The following NLGN4X variants were observed in gnomAD, a reference collection of about 807,000 sequenced individuals.
The protein encoded by NLGN4X is neuroligin 4 X-linked.
Under a neutral mutation model 40.3 loss-of-function variants are expected in NLGN4X, and 3 were observed. That is an observed-to-expected ratio of 0.07 (90% CI 0.03 to 0.19). NLGN4X has a LOEUF of 0.19. Ranked by LOEUF, NLGN4X falls within the 10% of genes least tolerant of loss-of-function variation. The probability of loss-of-function intolerance (pLI) is 1.00; values close to 1 mark genes in which losing one functional copy is unlikely to be tolerated. For synonymous variants in NLGN4X, 270 were observed against 306.8 expected, an observed-to-expected ratio of 0.88 and a Z score of 1.25; for missense variants, 382 against 708.3, an observed-to-expected ratio of 0.54 and a Z score of 5.23.
intron 1 of NLGN4X, among the ~76,000 whole-genome samples, chrX:6,208,631 C>T (rs1924262641): frequency 8.9e-6 from 1 of 111,906 alleles, no homozygotes; most frequent in Admixed American, 9.5e-5. Context: ...ATAAGTACAC[C>T]TCATTTCATA....
At chrX:5,985,534 C>T (rs2035508590) in intron 3 of NLGN4X, among the ~76,000 whole-genome samples, 1 of 111,402 alleles carries the variant, frequency 9.0e-6, no homozygotes, top group African/African-American at 3.3e-5. Flanking sequence ...AGTGATCCTC[C>T]TGCCTTGGTC....
intron 3 of NLGN4X, among the ~76,000 whole-genome samples, chrX:6,005,337 G>A (rs1392531259): frequency 4.5e-5 from 5 of 111,485 alleles, no homozygotes; most frequent in African/African-American, 1.3e-4. Flanking sequence ...GTCAACCAAT[G>A]GTTGAAACCA....
At chrX:5,977,870 C>T (rs1476613189) in intron 3 of NLGN4X, among the ~76,000 whole-genome samples, 1 of 112,015 alleles carries the variant, frequency 8.9e-6, no homozygotes, top group Non-Finnish European at 1.9e-5. Flanking sequence ...CAAGGAGGTC[C>T]TCCAGCAGAT....
At chrX:5,908,531 A>C (rs1445249803) in intron 4 of NLGN4X, among the ~76,000 whole-genome samples, 3 of 111,856 alleles carry the variant, frequency 2.7e-5, no homozygotes, top group Admixed American at 9.5e-5. Context: ...GCAAAAAAAA[A>C]CAAAAGTGTC....
chrX:6,184,285 T>C (rs192607432), intron 1 of NLGN4X, among the ~76,000 whole-genome samples: 23 of 112,089 alleles, frequency 2.1e-4, no homozygotes, highest in Non-Finnish European at 5.6e-5. Flanking sequence ...CCTGATGCCA[T>C]TTGCTTATTA....
intron 2 of NLGN4X, among the ~76,000 whole-genome samples, chrX:6,118,817 C>G (rs2039357499): frequency 9.0e-6 from 1 of 111,398 alleles, no homozygotes; most frequent in Admixed American, 9.6e-5. Context: ...CAGCACCTCT[C>G]TATTCTTATA....
rs1179160944 is a variant in NLGN4X, at chrX:6,025,892, G to A, written c.625+3388C>T. ...GCCCTCCAGCCTGGGCAATAAAAGC[G>A]AGACTCCATCTCAAAAAAAAAAAAA... On this transcript the variant is annotated intron_variant, in intron 3 of 5. Coordinates refer to ENST00000381095, the MANE Select transcript of NLGN4X (RefSeq NM_181332.3). 7.7e-5 allele frequency among the ~76,000 whole-genome samples: 7 copies of A among 91,280 alleles called. No homozygotes were observed. In the South Asian group the frequency reaches 3.1e-3, roughly 40 times the overall value. 79.3% of individuals were successfully genotyped at this position (91,280 alleles called of 115,157 possible). A position where few individuals can be genotyped will look rare whatever the true frequency, so the allele number is the denominator to read the frequency against.
intron 2 of NLGN4X, among the ~76,000 whole-genome samples, chrX:6,051,986 A>T (rs939599049): frequency 1.8e-5 from 2 of 111,107 alleles, no homozygotes; most frequent in Non-Finnish European, 3.8e-5. Context: ...CTGGACTTGA[A>T]GATACGTGTC....
At chrX:6,062,912 A>T (rs1204492743) in intron 2 of NLGN4X, among the ~76,000 whole-genome samples, 1 of 110,934 alleles carries the variant, frequency 9.0e-6, no homozygotes, top group African/African-American at 3.3e-5. Context: ...GCAGCTTGAG[A>T]ACAGACTAAT....
chrX:5,973,903 T>C (rs886334918), intron 3 of NLGN4X, among the ~76,000 whole-genome samples: 1 of 112,448 alleles, frequency 8.9e-6, no homozygotes, highest in African/African-American at 3.2e-5. Context: ...ACAATCTTCG[T>C]GTCCAACCAT....
chrX:6,044,995 T>C (rs984121817), intron 2 of NLGN4X, among the ~76,000 whole-genome samples: 1 of 112,004 alleles, frequency 8.9e-6, no homozygotes, highest in Non-Finnish European at 1.9e-5. Flanking sequence ...AAAGGATGCG[T>C]TGGCAAAGCA....
At chrX:6,220,735 T>TTTC (rs1491109712) in intron 1 of NLGN4X, among the ~76,000 whole-genome samples, 2 of 18,153 alleles carry the variant, frequency 1.1e-4, no homozygotes, top group African/African-American at 1.1e-3. Context: ...TATAACTTTC[T>TTTC]TTTTTTTTTT....
At chrX:6,113,692 T>A (rs1192852275) in intron 2 of NLGN4X, among the ~76,000 whole-genome samples, 1 of 71,353 alleles carries the variant, frequency 1.4e-5, no homozygotes, top group Non-Finnish European at 2.8e-5. Flanking sequence ...ACGTGCTTGT[T>A]TCAAAAAAAA....
intron 2 of NLGN4X, among the ~76,000 whole-genome samples, chrX:6,116,395 T>C (rs1394994580): frequency 5.0e-4 from 4 of 8,049 alleles, no homozygotes; most frequent in Non-Finnish European, 6.5e-4. Flanking sequence ...TTCTTTCTTT[T>C]TTTTTTTTTT....
intron 2 of NLGN4X, among the ~76,000 whole-genome samples, chrX:6,088,529 T>C (rs1475419879): frequency 8.9e-6 from 1 of 111,990 alleles, no homozygotes; most frequent in African/African-American, 3.2e-5. Context: ...TATTATGGTG[T>C]TATGTAGTAG....
intron 1 of NLGN4X, among the ~76,000 whole-genome samples, chrX:6,152,603 A>T (rs757508216): frequency 1.1e-4 from 12 of 112,116 alleles, no homozygotes; most frequent in Non-Finnish European, 2.1e-4. Context: ...TCAAATGAAA[A>T]GAGTGTAGAC....
At chrX:5,952,518 G>T (rs962961481) in intron 3 of NLGN4X, among the ~76,000 whole-genome samples, 1 of 109,735 alleles carries the variant, frequency 9.1e-6, no homozygotes, top group Non-Finnish European at 1.9e-5. Flanking sequence ...GTGAGTGGGT[G>T]TGCATTTATA....
At chrX:6,093,054 C>CAAA (rs10627096) in intron 2 of NLGN4X, among the ~76,000 whole-genome samples, 37 of 104,547 alleles carry the variant, frequency 3.5e-4, no homozygotes, top group Admixed American at 6.2e-4. Context: ...ATGGATAAAG[C>CAAA]AAAAAAAAAA....
At chrX:6,152,560 G>A (rs1388873147) in intron 1 of NLGN4X, among the ~76,000 whole-genome samples, 1 of 112,011 alleles carries the variant, frequency 8.9e-6, no homozygotes, top group African/African-American at 3.2e-5. Flanking sequence ...GCATCATGAT[G>A]TGGATATTTA....
Sources: allele counts gnomAD v4.1 joint callset (sites outside exome capture counted in the v4.1 genomes callset), GRCh38; gene constraint gnomAD v4.1.1; transcripts MANE v1.5; gene names NCBI Gene and HGNC (gene_info 2026-07-23, HGNC 2026-07-21).